Variants in SYNRG observed in about 807,000 individuals in gnomAD.
The protein encoded by SYNRG is AP1 gamma subunit binding protein 1.
SYNRG carries 37 observed loss-of-function variants against 130.9 expected under a neutral mutation model. That is an observed-to-expected ratio of 0.28 (90% CI 0.22 to 0.37). The LOEUF (loss-of-function observed/expected upper bound fraction) is 0.37, where lower values mean the gene tolerates loss of function less well. SYNRG is among the 10% of genes least tolerant of loss of function. The pLI is 1.00. For missense variants in SYNRG, 1,338 were observed against 1,588.9 expected, an observed-to-expected ratio of 0.84 and a Z score of 2.68; for synonymous variants, 539 against 568.1, an observed-to-expected ratio of 0.95 and a Z score of 0.73.
intron 3 of SYNRG, among the ~76,000 whole-genome samples, chr17:37,589,410 G>T (rs189497166): frequency 9.1e-4 from 138 of 152,268 alleles, no homozygotes; most frequent in African/African-American, 3.2e-3. Context: ...AGCATATAAA[G>T]AAATGTGATA....
At chr17:37,544,333 A>G (rs1377034135) in intron 14 of SYNRG, among the ~76,000 whole-genome samples, 1 of 149,430 alleles carries the variant, frequency 6.7e-6, no homozygotes, top group Non-Finnish European at 1.5e-5. Context: ...TGATTTTTTG[A>G]GATGGAGTTT....
rs1261909492 is a variant in SYNRG, at chr17:37,553,148, G to A, written c.2575C>T (p.Pro859Ser). 6.2e-7 allele frequency: 1 copy of A among 1,613,676 alleles called. No individual in the cohort carries two copies. Among genetic ancestry groups the A allele is most frequent in the South Asian group, 1.1e-5 (1 of 90,950 alleles). The part of the protein sequence containing the change: ...HVMSDSSLDL[P>S]TVSGQHPPAA... The stretch of plus-strand genomic sequence containing the variant: ...GGAGGATGCTGGCCACTAACTGTTG[G>A]TAAATCCAAAGAGCTATCAGACATG... The change falls in exon 14 of 22, where the codon CCA becomes TCA. Residue 859 changes from proline to serine, a missense_variant. By Grantham distance (74) the Pro-to-Ser change is moderately conservative (BLOSUM62 -1). This residue lies in a region of SYNRG where 1,146 missense variants were observed against 1,342.3 expected (regional missense o/e 0.85). Coordinates refer to ENST00000612223, the MANE Select transcript of SYNRG (RefSeq NM_007247.6).
At position 37,542,584 on chromosome 17, in the gene SYNRG, C is replaced by G. The variant is rs900474870; in HGVS notation, c.2609-19G>C. The G allele has an allele frequency of 1.8e-5, 29 of 1,590,772 alleles. No homozygotes were observed. Among genetic ancestry groups the G allele is most frequent in the Non-Finnish European group, 2.5e-5 (29 of 1,169,288 alleles). ...TCTATATCTGAAAGGGAAATAAGAC[C>G]CCACAATTAGAGGCAAGCAATTTAG... On this transcript the variant is annotated intron_variant, in intron 14 of 21. Transcript: ENST00000612223.
chr17:37,596,356 A>T lies in SYNRG; in HGVS notation c.119-12T>A. On this transcript the variant is annotated splice_polypyrimidine_tract_variant and intron_variant, in intron 2 of 21. Coordinates refer to ENST00000612223, the MANE Select transcript of SYNRG (RefSeq NM_007247.6). ...CGGCATCAGGCCTGCTGAAAATATAAAGACATTATTAAAGTCAATGTGTTT... is the reference window on the plus strand; with the variant it reads ...CGGCATCAGGCCTGCTGAAAATATATAGACATTATTAAAGTCAATGTGTTT... The T allele has an allele frequency of 6.2e-7, 1 of 1,613,318 alleles. No individual in the cohort carries two copies. Among genetic ancestry groups the T allele is most frequent in the Non-Finnish European group, 8.5e-7 (1 of 1,179,764 alleles).
chr17:37,540,631 T>C (rs1207708307), intron 15 of SYNRG, 88 bp from the exon 16 acceptor site: 9 of 177,832 alleles, frequency 5.1e-5, no homozygotes, highest in African/African-American at 8.4e-5. Flanking sequence ...AACCCTCTTC[T>C]TTTTTTTTTT....
At chr17:37,589,956 A>G (rs147706478) in intron 3 of SYNRG, among the ~76,000 whole-genome samples, 107 of 152,242 alleles carry the variant, frequency 7.0e-4, no homozygotes, top group African/African-American at 2.6e-3. Context: ...AGATCACTTG[A>G]GGCCAGGAGT....
chr17:37,579,490 A>T, intron 6 of SYNRG: 1 of 1,230,942 alleles, frequency 8.1e-7, no homozygotes, highest in East Asian at 5.7e-5. Context: ...ACAGAGAAAA[A>T]GGAATTAAGA....
At chr17:37,606,792 G>A (rs2063785612) in intron 1 of SYNRG, among the ~76,000 whole-genome samples, 1 of 152,112 alleles carries the variant, frequency 6.6e-6, no homozygotes, top group African/African-American at 2.4e-5. Context: ...ATTGTGTTTT[G>A]CTTAGCCTCT....
intron 3 of SYNRG, among the ~76,000 whole-genome samples, chr17:37,592,015 G>A (rs1469163853): frequency 6.6e-6 from 1 of 152,096 alleles, no homozygotes; most frequent in Non-Finnish European, 1.5e-5. Context: ...GAAAAGACAA[G>A]CTAAAGACAA....
intron 19 of SYNRG, among the ~76,000 whole-genome samples, chr17:37,529,135 A>T (rs1026958306): frequency 2.6e-5 from 4 of 152,232 alleles, no homozygotes; most frequent in African/African-American, 9.6e-5. Flanking sequence ...GATGCTTGGA[A>T]TGGGAGTCTG....
chr17:37,550,973 C>T (rs994321198), intron 14 of SYNRG, among the ~76,000 whole-genome samples: 15 of 152,184 alleles, frequency 9.9e-5, no homozygotes, highest in Non-Finnish European at 2.2e-4. Context: ...TAATAATACG[C>T]AGAGAAATCA....
chr17:37,587,278 T>C (rs1252377535), intron 3 of SYNRG, among the ~76,000 whole-genome samples: 1 of 152,170 alleles, frequency 6.6e-6, no homozygotes, highest in Non-Finnish European at 1.5e-5. Flanking sequence ...CCAGAGTAGC[T>C]AGGGCTATAA....
chr17:37,541,771 A>G (rs1424918109), intron 15 of SYNRG: 6 of 614,968 alleles, frequency 9.8e-6, no homozygotes, highest in Non-Finnish European at 1.7e-5. Context: ...TTAGCCCATA[A>G]AGCAGTTATC....
At chr17:37,550,685 C>A (rs1261424026) in intron 14 of SYNRG, among the ~76,000 whole-genome samples, 1 of 134,984 alleles carries the variant, frequency 7.4e-6, no homozygotes, top group Non-Finnish European at 1.6e-5. Flanking sequence ...AAAAAGACAT[C>A]AGAAAAGCAG....
intron 2 of SYNRG, among the ~76,000 whole-genome samples, chr17:37,597,655 G>A (rs1181478861): frequency 1.3e-5 from 2 of 152,350 alleles, no homozygotes; most frequent in Middle Eastern, 3.4e-3. Context: ...AAACTATCAC[G>A]AATGTATGAT....
intron 6 of SYNRG, chr17:37,579,380 A>G: frequency 9.2e-6 from 12 of 1,304,338 alleles, no homozygotes; most frequent in Non-Finnish European, 1.2e-5. Flanking sequence ...TTCTTCATCA[A>G]GAAAGGCAGG....
intron 10 of SYNRG, among the ~76,000 whole-genome samples, chr17:37,570,406 T>C (rs1433755632): frequency 6.6e-6 from 1 of 152,176 alleles, no homozygotes; most frequent in Admixed American, 6.5e-5. Context: ...ACTTTTACCC[T>C]ACTTTTTCAA....
intron 4 of SYNRG, 86 bp downstream of exon 4, chr17:37,586,333 A>G: frequency 6.5e-7 from 1 of 1,548,802 alleles, no homozygotes; most frequent in South Asian, 1.2e-5. Context: ...TTTTAGTTTC[A>G]AATCTGCACT....
At chr17:37,547,080 T>C (rs1036135569) in intron 14 of SYNRG, among the ~76,000 whole-genome samples, 1 of 152,236 alleles carries the variant, frequency 6.6e-6, no homozygotes, top group African/African-American at 2.4e-5. Flanking sequence ...AAAATGCTGC[T>C]GTTTAATTGC....
Sources: allele counts gnomAD v4.1 joint callset (sites outside exome capture counted in the v4.1 genomes callset), GRCh38; gene constraint gnomAD v4.1.1; regional missense constraint gnomAD v4.1.1; transcripts MANE v1.5; gene names NCBI Gene and HGNC (gene_info 2026-07-23, HGNC 2026-07-21).